Variants in VPS13C observed in about 807,000 individuals in gnomAD.
The protein encoded by VPS13C is intermembrane lipid transfer protein VPS13C.
Under a neutral mutation model 456.8 loss-of-function variants are expected in VPS13C, and 358 were observed. That is an observed-to-expected ratio of 0.78 (90% confidence interval 0.72 to 0.86). The LOEUF is 0.86. Ranked by LOEUF, VPS13C falls within the 40% of genes least tolerant of loss-of-function variation. The pLI is 0.00. For missense variants in VPS13C, 4,818 were observed against 4,385.4 expected, an observed-to-expected ratio of 1.10 and a Z score of -2.79; for synonymous variants, 1,578 against 1,486.7, an observed-to-expected ratio of 1.06 and a Z score of -1.41.
intron 6 of VPS13C, among the ~76,000 whole-genome samples, chr15:62,025,453 T>C (rs1056744508): frequency 1.3e-5 from 2 of 152,026 alleles, no homozygotes; most frequent in African/African-American, 2.4e-5. Flanking sequence ...CTCAAAGAAA[T>C]ACCATTTGAA....
intron 16 of VPS13C, among the ~76,000 whole-genome samples, chr15:61,993,921 T>C (rs1413395202): frequency 2.6e-5 from 4 of 152,150 alleles, no homozygotes. Flanking sequence ...CTGTGAACTA[T>C]CTTTGCTACT....
intron 38 of VPS13C, 38 bp from the exon 39 acceptor site, chr15:61,952,018 C>T: frequency 6.3e-7 from 1 of 1,593,804 alleles, no homozygotes; most frequent in Non-Finnish European, 8.5e-7. Context: ...AACTATTTCA[C>T]CAATATGCAA....
intron 76 of VPS13C, 108 bp from the exon 77 acceptor site, chr15:61,875,059 T>C (rs1895315862): frequency 5.1e-6 from 5 of 971,116 alleles, no homozygotes; most frequent in African/African-American, 1.7e-5. Context: ...TAAAAATCCA[T>C]AAACATTGTG....
At chr15:61,922,101 G>A (rs928482594) in intron 54 of VPS13C, 68 bp from the exon 55 acceptor site, 39 of 1,492,840 alleles carry the variant, frequency 2.6e-5, no homozygotes, top group Non-Finnish European at 3.6e-5. Context: ...GTAACCAATA[G>A]GGAAATTATT....
rs1893822003 is a variant in VPS13C at position 61,854,894 on chromosome 15, G to A, written c.11137C>T (p.Leu3713=). 1 of 1,613,306 alleles carries A rather than the reference G, an allele frequency of 6.2e-7. No individual in the cohort carries two copies. Among genetic ancestry groups the A allele is most frequent in the Non-Finnish European group, 8.5e-7 (1 of 1,179,730 alleles). Residue 3713 remains leucine, a synonymous_variant, in exon 84 of 85, where the codon CTG becomes TTG. Coordinates refer to ENST00000644861, the MANE Select transcript of VPS13C (RefSeq NM_020821.3). ...ACCTCTGCTGTGGCGGTGTCCTTCA[G>A]GTAAACTTTTCGAACACAGCCTTGA... ...ANQGCVRKVY[L]KDTATAERAC...
intron 44 of VPS13C, 152 bp from the exon 45 acceptor site, chr15:61,946,034 G>T: frequency 1.4e-6 from 1 of 729,918 alleles, no homozygotes; most frequent in Non-Finnish European, 2.1e-6. Flanking sequence ...CATTTTACGT[G>T]ACAATAACTT....
intron 35 of VPS13C, among the ~76,000 whole-genome samples, chr15:61,960,373 C>T (rs932155940): frequency 2.0e-5 from 3 of 152,142 alleles, no homozygotes; most frequent in Non-Finnish European, 4.4e-5. Flanking sequence ...TACAATTATA[C>T]GCTATGGGTG....
chr15:61,978,516 T>A, intron 23 of VPS13C, 110 bp downstream of exon 23: 1 of 1,290,840 alleles, frequency 7.7e-7, no homozygotes, highest in South Asian at 1.7e-5. Context: ...CAAAAGAATA[T>A]GTGTGCAAAA....
chr15:61,965,965 C>G, intron 30 of VPS13C, 118 bp downstream of exon 30: 1 of 615,266 alleles, frequency 1.6e-6, no homozygotes. Context: ...ATTTATAACT[C>G]TTATTGGTCC....
chr15:61,972,797 C>A, intron 26 of VPS13C, 33 bp from the exon 27 acceptor site: 1 of 1,573,662 alleles, frequency 6.4e-7, no homozygotes, highest in Non-Finnish European at 8.6e-7. Flanking sequence ...TGATCTGAGA[C>A]AATGTACATT....
chr15:61,980,081 G>C (rs1300458882), intron 22 of VPS13C, among the ~76,000 whole-genome samples: 1 of 150,116 alleles, frequency 6.7e-6, no homozygotes, highest in African/African-American at 2.4e-5. Flanking sequence ...ATACTTGTGA[G>C]GCTGAGGCAG....
At chr15:61,878,806 G>C in intron 73 of VPS13C, 60 bp from the exon 74 acceptor site, 1 of 1,513,598 alleles carries the variant, frequency 6.6e-7, no homozygotes, top group Non-Finnish European at 8.8e-7. Context: ...ACATATTTAG[G>C]ATCCAGGTAG....
rs1163495095 is a variant in VPS13C, at chr15:61,929,655, A to G, written c.6132T>C (p.Val2044=). The change falls in exon 51 of 85, where the codon GTT becomes GTC. Residue 2044 remains valine, a synonymous_variant. Coordinates refer to ENST00000644861, the MANE Select transcript of VPS13C (RefSeq NM_020821.3). ...QDKNGSQIDA[V]LDKLYVCASV... is the part of the protein sequence containing the mutation. Reference sequence around the variant, plus strand: ...TGGCACATACATACAGCTTGTCAAGAACAGCATCAATTTGACTTCCATTTT... The same window carrying G: ...TGGCACATACATACAGCTTGTCAAGGACAGCATCAATTTGACTTCCATTTT... The G allele has an allele frequency of 1.2e-6, 2 of 1,614,140 alleles. No homozygotes were observed. Among genetic ancestry groups the G allele is most frequent in the African/African-American group, 1.3e-5 (1 of 75,064 alleles).
chr15:61,866,917 C>G, intron 81 of VPS13C: 1 of 984,558 alleles, frequency 1.0e-6, no homozygotes, highest in Non-Finnish European at 1.2e-6. Context: ...ACTTTGGCTT[C>G]ATTTCTGAGG....
chr15:61,957,106 T>A (rs1354286811), intron 37 of VPS13C, among the ~76,000 whole-genome samples: 2 of 152,094 alleles, frequency 1.3e-5, no homozygotes, highest in East Asian at 3.8e-4. Context: ...TATAACTGAA[T>A]AGTGCACAGA....
Position 61,894,758 on chromosome 15 carries a change from G to T in VPS13C, c.9106-4358C>A, listed in dbSNP as rs115391023. Among the ~76,000 whole-genome samples the T allele has an allele frequency of 3.7e-3, 569 of 152,164 alleles. 7 individuals carry two copies. The highest frequency in any genetic ancestry group is 0.013 in the African/African-American group (541 of 41,504). Reference sequence around the variant, plus strand: ...TAAAGAAAATAATAACAGATCTAAAGGAAGAGATAGACTGGAATACAATAT... The same window carrying T: ...TAAAGAAAATAATAACAGATCTAAATGAAGAGATAGACTGGAATACAATAT... On this transcript the variant is annotated intron_variant, in intron 66 of 84. Coordinates refer to ENST00000644861, the MANE Select transcript of VPS13C (RefSeq NM_020821.3).
chr15:61,930,957 G>A, intron 50 of VPS13C, 133 bp downstream of exon 50: 1 of 989,492 alleles, frequency 1.0e-6, no homozygotes. Context: ...ACTTCTTAAT[G>A]CAATTCAAAT....
At chr15:62,001,946 C>G (rs577009843) in intron 15 of VPS13C, among the ~76,000 whole-genome samples, 1 of 152,222 alleles carries the variant, frequency 6.6e-6, no homozygotes, top group African/African-American at 2.4e-5. Context: ...GGTTCCGAGT[C>G]TTTGCTATTG....
At chr15:62,021,881 A>G (rs369795516) in intron 8 of VPS13C, among the ~76,000 whole-genome samples, 1 of 151,938 alleles carries the variant, frequency 6.6e-6, no homozygotes, top group East Asian at 1.9e-4. Context: ...CTAATGTACT[A>G]TCTACAAACC....
Sources: allele counts gnomAD v4.1 joint callset (sites outside exome capture counted in the v4.1 genomes callset), GRCh38; gene constraint gnomAD v4.1.1; transcripts MANE v1.5; gene names NCBI Gene and HGNC (gene_info 2026-07-23, HGNC 2026-07-21).